ELAPOR1: variants seen among roughly 807,000 people sequenced by gnomAD.
ELAPOR1 encodes endosome/lysosome-associated apoptosis and autophagy regulator 1.
A neutral mutation model predicts 119.7 loss-of-function variants in ELAPOR1; 77 were observed. The ratio of observed to expected loss-of-function variants is 0.64; its 90% CI spans 0.54 to 0.78. The LOEUF (loss-of-function observed/expected upper bound fraction) is 0.78. Ranked by LOEUF, ELAPOR1 falls within the 30% of genes least tolerant of loss-of-function variation. ELAPOR1 has a pLI of 0.00. For synonymous variants in ELAPOR1, 481 were observed against 487.2 expected (o/e 0.99, Z 0.17); for missense variants, 1,115 against 1,270.4 (o/e 0.88, Z 1.86).
chr1:109,179,176 G>A (rs1428767021), intron 7 of ELAPOR1, among the ~76,000 whole-genome samples: 1 of 151,728 alleles, frequency 6.6e-6, no homozygotes, highest in Non-Finnish European at 1.5e-5. Context: ...CAGGGCAGGT[G>A]GATTGACTGA....
intron 1 of ELAPOR1, among the ~76,000 whole-genome samples, chr1:109,153,797 A>AT (rs1650686841): frequency 6.6e-6 from 1 of 151,498 alleles, no homozygotes; most frequent in African/African-American, 2.4e-5. Flanking sequence ...TAATTTTTGT[A>AT]TTTTTTAGTA....
chr1:109,200,367 A>C (rs1654095341), intron 20 of ELAPOR1, 130 bp downstream of exon 20: 3 of 1,095,318 alleles, frequency 2.7e-6, no homozygotes, highest in Admixed American at 2.2e-5. Flanking sequence ...TATCCAGTGC[A>C]TGGTTTGGTT....
At chr1:109,177,285 T>C (rs1652382827) in intron 7 of ELAPOR1, among the ~76,000 whole-genome samples, 2 of 146,538 alleles carry the variant, frequency 1.4e-5, no homozygotes, top group South Asian at 2.2e-4. Flanking sequence ...GCAGAGACGC[T>C]CCTCACTTCC....
At chr1:109,193,604 T>C (rs1327547533) in intron 14 of ELAPOR1, among the ~76,000 whole-genome samples, 1 of 152,252 alleles carries the variant, frequency 6.6e-6, no homozygotes, top group African/African-American at 2.4e-5. Flanking sequence ...CCCCATGTAC[T>C]TTCTGCATCT....
intron 7 of ELAPOR1, among the ~76,000 whole-genome samples, chr1:109,174,464 T>G (rs1652136099): frequency 7.9e-6 from 1 of 126,398 alleles, no homozygotes; most frequent in African/African-American, 2.8e-5. Flanking sequence ...CAATAAATAT[T>G]GAGCCTCTCC....
In ELAPOR1 at chr1:109,199,932, A is replaced by G; in HGVS notation, c.2580A>G (p.Ser860=). The stretch of plus-strand genomic sequence containing the variant: ...GCGCGGCTGCTTGCCCGCTCTGCTC[A>G]GTGGCTGACTACCATGCTATCGTCA... ...WESAAACPLC[S]VADYHAIVSS... is the part of the protein sequence containing the mutation. Residue 860 remains serine (S), a synonymous_variant, in exon 19 of 22, where the codon TCA becomes TCG. Coordinates refer to ENST00000369939, the MANE Select transcript of ELAPOR1 (RefSeq NM_020775.5). 2 of 1,614,068 alleles carry G rather than the reference A, an allele frequency of 1.2e-6. No homozygotes were observed. Among genetic ancestry groups the G allele is most frequent in the African/African-American group, 1.3e-5 (1 of 75,048 alleles).
chr1:109,200,239 T>C lies in ELAPOR1; in HGVS notation c.2807+2T>C. 1 of 1,613,786 alleles carries C rather than the reference T, an allele frequency of 6.2e-7. No homozygotes were observed. Among genetic ancestry groups the C allele is most frequent in the Non-Finnish European group, 8.5e-7 (1 of 1,179,732 alleles). On this transcript the variant is annotated splice_donor_variant, in intron 20 of 21. Transcript: ENST00000369939. LOFTEE classifies it high-confidence loss of function. Reference sequence around the variant, plus strand: ...CTACTTTTGGAAAAAGAATCAAAAGTACATGTTGCGGTATTGGAGTGTGGG... The same window carrying C: ...CTACTTTTGGAAAAAGAATCAAAAGCACATGTTGCGGTATTGGAGTGTGGG...
Position 109,119,052 on chromosome 1 carries a change from C to T in ELAPOR1, c.153+4716C>T, listed in dbSNP as rs542239515. Among the ~76,000 whole-genome samples, 83 of 152,108 alleles carry T rather than the reference C, an allele frequency of 5.5e-4. 1 individual carries two copies. The highest frequency in any genetic ancestry group is 1.9e-3 in the African/African-American group (79 of 41,476). On this transcript the variant is annotated intron_variant, in intron 1 of 21. Transcript: ENST00000369939. Reference sequence around the variant, plus strand: ...AGCTGGGATTACAGGTGCCCGCCACCATGCCCAGCTAATTTTGTATTTTTA... The same window carrying T: ...AGCTGGGATTACAGGTGCCCGCCACTATGCCCAGCTAATTTTGTATTTTTA...
At chr1:109,150,976 A>T (rs1347848080) in intron 1 of ELAPOR1, among the ~76,000 whole-genome samples, 1 of 152,074 alleles carries the variant, frequency 6.6e-6, no homozygotes, top group Non-Finnish European at 1.5e-5. Context: ...GAAGTCATAC[A>T]ATGGACCCAC....
intron 7 of ELAPOR1, among the ~76,000 whole-genome samples, chr1:109,179,359 A>C (rs1041750484): frequency 1.6e-4 from 23 of 146,136 alleles, no homozygotes; most frequent in Non-Finnish European, 3.1e-4. Flanking sequence ...CAGTGAGCCG[A>C]GATCATGCCA....
At chr1:109,134,140 T>C (rs1649315509) in intron 1 of ELAPOR1, among the ~76,000 whole-genome samples, 1 of 152,184 alleles carries the variant, frequency 6.6e-6, no homozygotes, top group Admixed American at 6.5e-5. Context: ...CCTGAGAAAG[T>C]GAACTTAGGC....
intron 1 of ELAPOR1, among the ~76,000 whole-genome samples, chr1:109,137,808 G>A (rs1007372552): frequency 3.3e-5 from 5 of 152,210 alleles, no homozygotes; most frequent in African/African-American, 9.6e-5. Flanking sequence ...GATTACAGGC[G>A]TGAGCCACCG....
chr1:109,200,709 G>C (rs1219171513), intron 20 of ELAPOR1, 26 bp from the exon 21 acceptor site: 6 of 1,607,004 alleles, frequency 3.7e-6, no homozygotes, highest in Non-Finnish European at 5.1e-6. Flanking sequence ...TTGGGATCTT[G>C]TCTTTCCCAT....
In ELAPOR1 at chr1:109,205,691, A is replaced by C. The variant is rs1654442953; in HGVS notation, c.*2679A>C. On this transcript the variant is annotated 3_prime_UTR_variant, in exon 22 of 22. Transcript: ENST00000369939. ...ACAGCCCTTAGACTATTCCGGAAAC[A>C]GTAGGAAAAATTACATATGTCTTTG... 2.6e-5 allele frequency: 4 copies of C among 152,204 alleles called. No homozygotes were observed. The highest frequency in any genetic ancestry group is 5.9e-5 in the Non-Finnish European group (4 of 68,044). The allele number at this position is 152,204 out of a possible 1,614,324, so 9.4% of individuals were successfully genotyped here.
intron 7 of ELAPOR1, among the ~76,000 whole-genome samples, chr1:109,176,433 C>G (rs1239672481): frequency 6.6e-6 from 1 of 152,088 alleles, no homozygotes; most frequent in Non-Finnish European, 1.5e-5. Context: ...TCAAACAGAC[C>G]TACATATCCC....
chr1:109,195,506 A>C (rs1401822113), intron 15 of ELAPOR1, among the ~76,000 whole-genome samples: 1 of 152,114 alleles, frequency 6.6e-6, no homozygotes, highest in African/African-American at 2.4e-5. Context: ...AAAAAAAAAA[A>C]AACAAAAAAG....
Position 109,165,538 on chromosome 1 carries a change from C to T in ELAPOR1, c.467+847C>T, listed in dbSNP as rs150461634. 2.8e-3 allele frequency among the ~76,000 whole-genome samples: 419 copies of T among 149,816 alleles called. 2 individuals carry two copies. The highest frequency in any genetic ancestry group is 9.8e-3 in the African/African-American group (399 of 40,742). Reference sequence around the variant, plus strand: ...AGCGGAAGTTGCAGTGAGCTGAGATCGCACCATTGCACTCCAGCCTGGGCA... The same window carrying T: ...AGCGGAAGTTGCAGTGAGCTGAGATTGCACCATTGCACTCCAGCCTGGGCA... On this transcript the variant is annotated intron_variant, in intron 3 of 21. Transcript: ENST00000369939.
At chr1:109,138,177 TC>T (rs869092346) in intron 1 of ELAPOR1, among the ~76,000 whole-genome samples, 1 of 83,162 alleles carries the variant, frequency 1.2e-5, no homozygotes, top group African/African-American at 3.2e-5. Context: ...GCCCTTAAGA[TC>T]AGGTTGACCA....
chr1:109,192,946 G>A (rs1653545578), intron 14 of ELAPOR1, 72 bp downstream of exon 14: 1 of 1,539,630 alleles, frequency 6.5e-7, no homozygotes, highest in Non-Finnish European at 8.8e-7. Context: ...CTGGGTCCTG[G>A]GTAGGGTTCT....
Sources: gnomAD v4.1 joint callset for allele counts (sites outside exome capture counted in the v4.1 genomes callset) on GRCh38, gnomAD v4.1.1 for gene constraint, MANE v1.5 for transcripts, NCBI Gene and HGNC (gene_info 2026-07-23, HGNC 2026-07-21) for gene names.